The following ZNF438 variants were observed in gnomAD, a reference collection of about 807,000 sequenced individuals.
The protein encoded by ZNF438 is zinc finger protein 438.
A neutral mutation model predicts 38.0 loss-of-function variants in ZNF438; 25 were observed. The ratio of observed to expected loss-of-function variants is 0.66; its 90% confidence interval spans 0.48 to 0.92. The LOEUF is 0.92. ZNF438 is among the 40% of genes least tolerant of loss of function. ZNF438 has a pLI of 0.00. For missense variants in ZNF438, 1,007 were observed against 999.6 expected (o/e 1.01, Z -0.10); for synonymous variants, 372 against 364.1 (o/e 1.02, Z -0.25).
rs1462384522 is a variant in ZNF438, at chr10:30,845,198, G to T, written c.2250C>A (p.Thr750=). The change falls in exon 6 of 6, where the codon ACC becomes ACA. Residue 750 remains threonine (T), a synonymous_variant. Transcript: ENST00000413025. ...CCTGGCAGGTTTCCCTTGGCTTGTT[G>T]GTTCCTGACTGGGGTCCTTCATTTT... is the stretch of plus-strand genomic sequence containing the variant. 13 of 1,614,164 alleles carry T rather than the reference G, an allele frequency of 8.1e-6. No homozygotes were observed. In the East Asian group the frequency reaches 2.7e-4, roughly 33 times the overall value.
chr10:30,918,645 A>C (rs936318108), intron 2 of ZNF438, among the ~76,000 whole-genome samples: 1 of 152,236 alleles, frequency 6.6e-6, no homozygotes, highest in African/African-American at 2.4e-5. Context: ...TAAATAGTAC[A>C]TACTATATTC....
intron 2 of ZNF438, among the ~76,000 whole-genome samples, chr10:30,938,949 C>T (rs540644662): frequency 1.3e-5 from 2 of 152,220 alleles, no homozygotes; most frequent in African/African-American, 4.8e-5. Flanking sequence ...CATGCACCAC[C>T]ACACCCGGCT....
chr10:30,874,389 A>T (rs1346111655), intron 4 of ZNF438, among the ~76,000 whole-genome samples: 1 of 151,964 alleles, frequency 6.6e-6, no homozygotes, highest in African/African-American at 2.4e-5. Context: ...GCCTCAAGTT[A>T]TCCTCCCACC....
intron 1 of ZNF438, among the ~76,000 whole-genome samples, chr10:30,945,337 C>T (rs1401124283): frequency 6.7e-6 from 1 of 149,542 alleles, no homozygotes; most frequent in Non-Finnish European, 1.5e-5. Flanking sequence ...ATAGCTCCCT[C>T]CAGTTTTCTT....
intron 1 of ZNF438, among the ~76,000 whole-genome samples, chr10:30,950,092 T>A (rs2047981537): frequency 9.7e-5 from 14 of 144,008 alleles, no homozygotes; most frequent in South Asian, 6.5e-4. Flanking sequence ...GGATTAAGAA[T>A]CTCACTCAAA....
At chr10:30,992,869 C>T (rs528652660) in intron 1 of ZNF438, among the ~76,000 whole-genome samples, 58 of 152,340 alleles carry the variant, frequency 3.8e-4, no homozygotes, top group African/African-American at 1.3e-3. Flanking sequence ...CAGCCTGACA[C>T]GCCTCAAGGC....
At chr10:31,006,190 T>C (rs1426713265) in intron 1 of ZNF438, among the ~76,000 whole-genome samples, 1 of 152,158 alleles carries the variant, frequency 6.6e-6, no homozygotes, top group East Asian at 1.9e-4. Flanking sequence ...TGGCTGGCAG[T>C]CCCTGGGTAG....
At position 30,941,555 on chromosome 10, in the gene ZNF438, C is replaced by T. The variant is rs2046822224; in HGVS notation, c.-115+20G>A. On this transcript the variant is annotated intron_variant, in intron 2 of 5. Transcript: ENST00000413025. ...AAATAAATCTTAAGCTGGTACCAAG[C>T]TAGATGTGAGCAGACTTACCTGAAG... is the stretch of plus-strand genomic sequence containing the variant. 1 of 152,160 alleles carries T rather than the reference C, an allele frequency of 6.6e-6. No individual in the cohort carries two copies. The highest frequency in any genetic ancestry group is 2.1e-4 in the South Asian group (1 of 4,832). 9.4% of individuals were successfully genotyped at this position (152,160 alleles called of 1,614,324 possible). A position where few individuals can be genotyped will look rare whatever the true frequency, so the allele number is the denominator to read the frequency against.
intron 2 of ZNF438, among the ~76,000 whole-genome samples, chr10:30,927,342 A>C (rs2045071936): frequency 6.6e-6 from 1 of 152,250 alleles, no homozygotes; most frequent in African/African-American, 2.4e-5. Flanking sequence ...AAGGCTATAT[A>C]GTCTCCACAA....
At chr10:30,953,151 A>T (rs2048419857) in intron 1 of ZNF438, among the ~76,000 whole-genome samples, 1 of 144,536 alleles carries the variant, frequency 6.9e-6, no homozygotes, top group Non-Finnish European at 1.5e-5. Flanking sequence ...CTGTCGCAAG[A>T]ACAAAAAACC....
chr10:30,926,801 T>A (rs1159756179), intron 2 of ZNF438, among the ~76,000 whole-genome samples: 2 of 152,092 alleles, frequency 1.3e-5, no homozygotes, highest in Non-Finnish European at 2.9e-5. Context: ...CTCCTAGGAT[T>A]ATAAGAGCTG....
chr10:31,004,329 C>G (rs1589684767), intron 1 of ZNF438, among the ~76,000 whole-genome samples: 1 of 152,110 alleles, frequency 6.6e-6, no homozygotes, highest in East Asian at 1.9e-4. Flanking sequence ...AGATGAAAAA[C>G]AAGAGAACTA....
At chr10:30,966,662 T>G (rs1460519816) in intron 1 of ZNF438, among the ~76,000 whole-genome samples, 1 of 101,326 alleles carries the variant, frequency 9.9e-6, no homozygotes, top group Admixed American at 1.1e-4. Context: ...AGAGCAAGAC[T>G]CCATCTCAAA....
At chr10:30,986,860 A>G (rs1012832319) in intron 1 of ZNF438, among the ~76,000 whole-genome samples, 3 of 152,214 alleles carry the variant, frequency 2.0e-5, no homozygotes, top group African/African-American at 7.2e-5. Context: ...ATTCATGAAA[A>G]CAAAATCTGT....
At chr10:30,980,103 T>C (rs958305897) in intron 1 of ZNF438, among the ~76,000 whole-genome samples, 51 of 152,174 alleles carry the variant, frequency 3.4e-4, no homozygotes, top group African/African-American at 1.2e-3. Context: ...CAAGAAGGCA[T>C]GTGTGGCTAG....
chr10:31,011,204 A>G (rs1369085912), intron 1 of ZNF438, among the ~76,000 whole-genome samples: 1 of 152,208 alleles, frequency 6.6e-6, no homozygotes, highest in African/African-American at 2.4e-5. Flanking sequence ...GAGCTGCTGC[A>G]AAAGAGCAAC....
At chr10:31,026,751 A>G (rs555196842) in intron 1 of ZNF438, among the ~76,000 whole-genome samples, 19 of 152,266 alleles carry the variant, frequency 1.2e-4, no homozygotes, top group Admixed American at 1.0e-3. Context: ...GTATATACCC[A>G]AAGGACTATA....
At chr10:30,933,651 C>T (rs2045927332) in intron 2 of ZNF438, among the ~76,000 whole-genome samples, 2 of 152,078 alleles carry the variant, frequency 1.3e-5, no homozygotes, top group Non-Finnish European at 2.9e-5. Context: ...AAAAACATTA[C>T]GCAGGCTATG....
intron 2 of ZNF438, among the ~76,000 whole-genome samples, chr10:30,916,767 T>G (rs1444358898): frequency 6.6e-6 from 1 of 152,086 alleles, no homozygotes; most frequent in Non-Finnish European, 1.5e-5. Flanking sequence ...TGGAACATAT[T>G]ATGTATTTCT....
Sources: gnomAD v4.1 joint callset for allele counts (sites outside exome capture counted in the v4.1 genomes callset) on GRCh38, gnomAD v4.1.1 for gene constraint, MANE v1.5 for transcripts, NCBI Gene and HGNC (gene_info 2026-07-23, HGNC 2026-07-21) for gene names.